Variants in FBXL7 observed in about 807,000 individuals in gnomAD.
FBXL7 encodes F-box/LRR-repeat protein 7.
A neutral mutation model predicts 38.3 loss-of-function variants in FBXL7; 12 were observed. The observed-to-expected ratio is 0.31, with a 90% CI of 0.20 to 0.51. The LOEUF (loss-of-function observed/expected upper bound fraction) is 0.51, where lower values mean the gene tolerates loss of function less well. Among genes scored for constraint, FBXL7 ranks in the 20% least tolerant of loss-of-function variants. The probability of loss-of-function intolerance (pLI) is 0.98; values close to 1 mark genes in which losing one functional copy is unlikely to be tolerated. For synonymous variants in FBXL7, 297 were observed against 300.9 expected, an observed-to-expected ratio of 0.99 and a Z score of 0.13; for missense variants, 567 against 676.4, an observed-to-expected ratio of 0.84 and a Z score of 1.79.
intron 2 of FBXL7, among the ~76,000 whole-genome samples, chr5:15,768,120 G>A (rs566582219): frequency 1.4e-4 from 21 of 152,296 alleles, no homozygotes; most frequent in African/African-American, 4.8e-4. Flanking sequence ...TTACACTGAT[G>A]TAGAGGGAAA....
chr5:15,546,551 A>G (rs907350039), intron 1 of FBXL7, among the ~76,000 whole-genome samples: 1 of 152,180 alleles, frequency 6.6e-6, no homozygotes, highest in East Asian at 1.9e-4. Flanking sequence ...TAGGTGACAT[A>G]GCGAGACTCT....
intron 1 of FBXL7, among the ~76,000 whole-genome samples, chr5:15,584,626 T>A (rs931335329): frequency 1.3e-5 from 2 of 152,212 alleles, no homozygotes; most frequent in Admixed American, 6.5e-5. Context: ...GACCACATCT[T>A]TCTTTCTCTT....
intron 2 of FBXL7, among the ~76,000 whole-genome samples, chr5:15,769,509 G>A (rs1378871533): frequency 2.0e-5 from 3 of 152,164 alleles, no homozygotes; most frequent in Non-Finnish European, 2.9e-5. Context: ...GACTGTTAAA[G>A]CAAATCAGCA....
chr5:15,510,263 A>G (rs536482093), intron 1 of FBXL7, among the ~76,000 whole-genome samples: 33 of 152,348 alleles, frequency 2.2e-4, no homozygotes, highest in Admixed American at 9.1e-4. Context: ...GTTTCTGTGC[A>G]GATGTAGCAG....
chr5:15,624,066 G>A (rs1057016523), intron 2 of FBXL7, among the ~76,000 whole-genome samples: 2 of 152,174 alleles, frequency 1.3e-5, no homozygotes, highest in Non-Finnish European at 2.9e-5. Context: ...CTGTACTTAG[G>A]AGAAGTGTGT....
intron 2 of FBXL7, among the ~76,000 whole-genome samples, chr5:15,797,329 C>T (rs779840508): frequency 1.1e-4 from 17 of 152,192 alleles, no homozygotes; most frequent in Non-Finnish European, 2.2e-4. Flanking sequence ...CCCAGAGGAA[C>T]GTGATATGTG....
At chr5:15,509,592 A>G (rs1377080506) in intron 1 of FBXL7, among the ~76,000 whole-genome samples, 2 of 152,212 alleles carry the variant, frequency 1.3e-5, no homozygotes, top group African/African-American at 4.8e-5. Flanking sequence ...TTTTCTAAAA[A>G]CAAAACCCCA....
intron 2 of FBXL7, among the ~76,000 whole-genome samples, chr5:15,752,353 G>A (rs577540250): frequency 2.6e-5 from 4 of 152,194 alleles, no homozygotes; most frequent in East Asian, 1.9e-4. Flanking sequence ...GGAGACATAT[G>A]CTTAAGATGA....
At chr5:15,668,305 G>A (rs978041202) in intron 2 of FBXL7, among the ~76,000 whole-genome samples, 4 of 151,758 alleles carry the variant, frequency 2.6e-5, no homozygotes, top group Non-Finnish European at 5.9e-5. Flanking sequence ...TTTTCCTCAA[G>A]ATCATGTCAA....
chr5:15,701,700 T>C (rs1038554542), intron 2 of FBXL7, among the ~76,000 whole-genome samples: 1 of 152,062 alleles, frequency 6.6e-6, no homozygotes, highest in Non-Finnish European at 1.5e-5. Context: ...AATAAAAAAA[T>C]GCATGAAGAA....
intron 1 of FBXL7, among the ~76,000 whole-genome samples, chr5:15,595,220 G>A (rs1739593944): frequency 6.6e-6 from 1 of 152,182 alleles, no homozygotes; most frequent in Non-Finnish European, 1.5e-5. Context: ...ACTACGTTAA[G>A]TGCCAAATGA....
intron 1 of FBXL7, among the ~76,000 whole-genome samples, chr5:15,519,173 G>C (rs1698894119): frequency 6.6e-6 from 1 of 151,996 alleles, no homozygotes; most frequent in Admixed American, 6.6e-5. Context: ...GTGAAACCCT[G>C]TCTCTACTAA....
chr5:15,610,060 A>T (rs931236347), intron 1 of FBXL7, among the ~76,000 whole-genome samples: 15 of 152,210 alleles, frequency 9.9e-5, no homozygotes, highest in African/African-American at 3.4e-4. Context: ...GAAAACACTT[A>T]TAAAACCATC....
intron 2 of FBXL7, among the ~76,000 whole-genome samples, chr5:15,904,381 C>T (rs1182245100): frequency 1.3e-5 from 2 of 152,180 alleles, no homozygotes; most frequent in East Asian, 3.9e-4. Context: ...CAATGCCAGA[C>T]TCTAAAGAGG....
intron 2 of FBXL7, among the ~76,000 whole-genome samples, chr5:15,709,257 C>T (rs1020716553): frequency 3.3e-5 from 5 of 151,964 alleles, no homozygotes; most frequent in Admixed American, 6.6e-5. Flanking sequence ...ATCCTGACAG[C>T]GTGTGGTAGC....
chr5:15,698,159 A>G (rs981673094), intron 2 of FBXL7, among the ~76,000 whole-genome samples: 1 of 152,196 alleles, frequency 6.6e-6, no homozygotes, highest in African/African-American at 2.4e-5. Flanking sequence ...AATCACCAAG[A>G]AAAAACCAAA....
chr5:15,605,767 T>C lies in FBXL7; in HGVS notation c.38-10216T>C, dbSNP rs374385532. ...TACATTTTACCACAATTTAAAAAAA[T>C]TAAAAATAGCAAGCACCCTAAACCA... On this transcript the variant is annotated intron_variant, in intron 1 of 3. Coordinates refer to ENST00000504595, the MANE Select transcript of FBXL7 (RefSeq NM_012304.5). 9.3e-4 allele frequency among the ~76,000 whole-genome samples: 141 copies of C among 152,260 alleles called. 3 individuals are homozygous for C. The South Asian group carries it at 0.029, about 31-fold the overall frequency.
In FBXL7 at chr5:15,937,463, T is replaced by C; in HGVS notation, c.*277T>C. The stretch of plus-strand genomic sequence containing the variant: ...CTTAAGCAGGCTGATCGCTGTTCCT[T>C]GAGCAAGGCGCTTACTCTCCTCCGC... On this transcript the variant is annotated 3_prime_UTR_variant, in exon 4 of 4. Coordinates refer to ENST00000504595, the MANE Select transcript of FBXL7 (RefSeq NM_012304.5). 1 of 383,118 alleles carries C rather than the reference T, an allele frequency of 2.6e-6. No homozygotes were observed. Among genetic ancestry groups the C allele is most frequent in the South Asian group, 3.4e-5 (1 of 29,492 alleles). 23.7% of individuals were successfully genotyped at this position (383,118 alleles called of 1,614,324 possible). A position where few individuals can be genotyped will look rare whatever the true frequency, so the allele number is the denominator to read the frequency against.
At chr5:15,501,422 C>G (rs1310584638) in intron 1 of FBXL7, 1 of 985,484 alleles carries the variant, frequency 1.0e-6, no homozygotes, top group African/African-American at 1.7e-5. Context: ...CTCTCTCCTA[C>G]CTCCTCCCAC....
Sources: allele counts gnomAD v4.1 joint callset (sites outside exome capture counted in the v4.1 genomes callset), GRCh38; gene constraint gnomAD v4.1.1; transcripts MANE v1.5; gene names NCBI Gene and HGNC (gene_info 2026-07-23, HGNC 2026-07-21).